ZCCHC7: variants seen among roughly 807,000 people sequenced by gnomAD.
ZCCHC7 encodes the protein zinc finger CCHC-type containing 7, also known as zinc finger CCHC domain-containing protein 7.
A neutral mutation model predicts 52.0 loss-of-function variants in ZCCHC7; 35 were observed. The observed-to-expected ratio is 0.67, with a 90% CI of 0.51 to 0.89. The LOEUF (loss-of-function observed/expected upper bound fraction) is 0.89. Ranked by LOEUF, ZCCHC7 falls within the 40% of genes least tolerant of loss-of-function variation. ZCCHC7 has a pLI of 0.00. For synonymous variants in ZCCHC7, 217 were observed against 221.5 expected (o/e 0.98, Z 0.18); for missense variants, 574 against 649.1 (o/e 0.88, Z 1.26).
At position 37,354,185 on chromosome 9, in the gene ZCCHC7, C is replaced by T. The variant is rs374032359; in HGVS notation, c.1084-525C>T. Among the ~76,000 whole-genome samples, 36 of 152,162 alleles carry T rather than the reference C, an allele frequency of 2.4e-4. No individual in the cohort carries two copies. The East Asian group carries it at 3.9e-3, about 16-fold the overall frequency. ...AACCTACCACCAACCTACCCCCCACCGTTAAGAATCACTACCCCTATAAGC... is the reference window on the plus strand; with the variant it reads ...AACCTACCACCAACCTACCCCCCACTGTTAAGAATCACTACCCCTATAAGC... On this transcript the variant is annotated intron_variant, in intron 7 of 8. Coordinates refer to ENST00000336755, the MANE Select transcript of ZCCHC7 (RefSeq NM_032226.3). The surrounding 1 kb of genome is among the most constrained non-coding windows in gnomAD (Gnocchi z 4.0).
intron 2 of ZCCHC7, among the ~76,000 whole-genome samples, chr9:37,216,425 A>T (rs1474867040): frequency 6.6e-6 from 1 of 152,226 alleles, no homozygotes; most frequent in African/African-American, 2.4e-5. Context: ...CTGTAATCCT[A>T]GCACTTTAGG....
At chr9:37,234,892 C>A (rs1210755948) in intron 2 of ZCCHC7, among the ~76,000 whole-genome samples, 1 of 152,116 alleles carries the variant, frequency 6.6e-6, no homozygotes, top group African/African-American at 2.4e-5. Flanking sequence ...CCTGCAGTGT[C>A]ATTTAATCTT....
At chr9:37,267,426 G>A (rs1055674281) in intron 2 of ZCCHC7, among the ~76,000 whole-genome samples, 2 of 151,982 alleles carry the variant, frequency 1.3e-5, no homozygotes, top group African/African-American at 4.8e-5. Context: ...GAAGAACAGG[G>A]CCTTGCTCTG....
At chr9:37,317,647 A>G (rs1829880301) in intron 5 of ZCCHC7, among the ~76,000 whole-genome samples, 1 of 152,224 alleles carries the variant, frequency 6.6e-6, no homozygotes, top group South Asian at 2.1e-4. Context: ...ATTTGTTTCA[A>G]TAATCAGAAG....
intron 2 of ZCCHC7, 104 bp from the exon 3 acceptor site, chr9:37,302,084 A>T: frequency 1.1e-6 from 1 of 895,416 alleles, no homozygotes; most frequent in South Asian, 1.5e-5. Flanking sequence ...TTCTCAGTGT[A>T]CCTTTGGGGT....
Position 37,173,921 on chromosome 9 carries a change from A to G in ZCCHC7, c.610+46979A>G, listed in dbSNP as rs375219634. On this transcript the variant is annotated intron_variant, in intron 2 of 8. Coordinates refer to ENST00000336755, the MANE Select transcript of ZCCHC7 (RefSeq NM_032226.3). ...ATTTGTGGAATTATACCTCGTTCATATACTCACTGTATTTCTTGTGAAAGC... is the reference window on the plus strand; with the variant it reads ...ATTTGTGGAATTATACCTCGTTCATGTACTCACTGTATTTCTTGTGAAAGC... 3.3e-3 allele frequency among the ~76,000 whole-genome samples: 499 copies of G among 152,320 alleles called. 2 individuals carry two copies. The highest frequency in any genetic ancestry group is 0.01 in the Middle Eastern group (3 of 294).
chr9:37,219,396 C>T (rs1000643220), intron 2 of ZCCHC7, among the ~76,000 whole-genome samples: 5 of 152,234 alleles, frequency 3.3e-5, no homozygotes, highest in African/African-American at 1.2e-4. Context: ...ACTAGGTACT[C>T]GCTCACTAAT....
intron 2 of ZCCHC7, among the ~76,000 whole-genome samples, chr9:37,200,599 A>G (rs894321042): frequency 1.3e-5 from 2 of 152,216 alleles, no homozygotes; most frequent in Non-Finnish European, 2.9e-5. Context: ...GAGTCCTGCA[A>G]TACTGGCTTT....
chr9:37,267,743 G>T (rs1254275399), intron 2 of ZCCHC7, among the ~76,000 whole-genome samples: 1 of 151,644 alleles, frequency 6.6e-6, no homozygotes, highest in Non-Finnish European at 1.5e-5. Context: ...CTAATTTTTT[G>T]TATTTTTAGT....
intron 2 of ZCCHC7, among the ~76,000 whole-genome samples, chr9:37,188,618 G>A (rs1021808963): frequency 1.4e-3 from 26 of 18,326 alleles, no homozygotes; most frequent in African/African-American, 5.0e-3. Flanking sequence ...CCCTTCCCCC[G>A]CCCCTCCCCC....
chr9:37,185,310 G>A (rs1029095998), intron 2 of ZCCHC7, among the ~76,000 whole-genome samples: 1 of 151,474 alleles, frequency 6.6e-6, no homozygotes, highest in Non-Finnish European at 1.5e-5. Flanking sequence ...ACTCATTTAG[G>A]CAGTCTTCCT....
chr9:37,326,507 A>G (rs1830247006), intron 5 of ZCCHC7, among the ~76,000 whole-genome samples: 1 of 137,144 alleles, frequency 7.3e-6, no homozygotes, highest in Non-Finnish European at 1.5e-5. Flanking sequence ...GGAGCAGTCT[A>G]CACAGCTTTC....
At position 37,357,107 on chromosome 9, in the gene ZCCHC7, C is replaced by T. The variant is rs1294203668; in HGVS notation, c.1471C>T (p.Pro491Ser). The T allele has an allele frequency of 7.4e-6, 12 of 1,613,546 alleles. No individual in the cohort carries two copies. The East Asian group carries it at 2.5e-4, about 33-fold the overall frequency. The part of the protein sequence containing the change: ...SSPGSFKTQK[P>S]SKPFHRSSHY... ...TCCTGGCAGTTTTAAAACCCAGAAG[C>T]CTTCTAAGCCCTTTCACCGTTCATC... The change falls in exon 9 of 9, where the codon CCT (proline) becomes TCT (serine). Residue 491 changes from proline to serine, a missense_variant. Physicochemically the swap from Pro to Ser is moderately conservative, Grantham distance 74 (BLOSUM62 -1). Coordinates refer to ENST00000336755, the MANE Select transcript of ZCCHC7 (RefSeq NM_032226.3).
chr9:37,354,797 GAA>G lies in ZCCHC7; in HGVS notation c.1174_1175del (p.Lys392GlufsTer29). ...TGACAAATATGAAATTCAGGAGAGA[GAA>G]AAGAGACTAAAACAAAAAATAAAAG... is the stretch of plus-strand genomic sequence containing the variant. The part of the protein sequence containing the change: ...YDDKYEIQER[E>X]KRLKQKIKVL... On this transcript the variant is annotated frameshift_variant, in exon 8 of 9. Coordinates refer to ENST00000336755, the MANE Select transcript of ZCCHC7 (RefSeq NM_032226.3). LOFTEE classifies it low-confidence loss of function (END_TRUNC). This position sits in a 1 kb window ranked among gnomAD's most constrained non-coding sequence, Gnocchi z 4.0. The G allele has an allele frequency of 6.2e-7, 1 of 1,611,566 alleles. No individual in the cohort carries two copies. The highest frequency in any genetic ancestry group is 1.1e-5 in the South Asian group (1 of 90,976).
chr9:37,225,058 A>G (rs1825024094), intron 2 of ZCCHC7, among the ~76,000 whole-genome samples: 1 of 152,240 alleles, frequency 6.6e-6, no homozygotes, highest in Admixed American at 6.5e-5. Context: ...TTATTGAATT[A>G]TTTTATTCCT....
chr9:37,198,313 T>A (rs535923678), intron 2 of ZCCHC7, among the ~76,000 whole-genome samples: 1 of 152,338 alleles, frequency 6.6e-6, no homozygotes, highest in East Asian at 1.9e-4. Flanking sequence ...CCCAGAATGT[T>A]ACAACCAGAG....
intron 2 of ZCCHC7, among the ~76,000 whole-genome samples, chr9:37,142,407 G>GT (rs1247809311): frequency 6.6e-6 from 1 of 151,636 alleles, no homozygotes; most frequent in African/African-American, 2.4e-5. Context: ...TTAATTACAG[G>GT]TTTTTTCTTG....
At chr9:37,172,280 T>G (rs920200316) in intron 2 of ZCCHC7, among the ~76,000 whole-genome samples, 1 of 152,258 alleles carries the variant, frequency 6.6e-6, no homozygotes, top group African/African-American at 2.4e-5. Flanking sequence ...CTTTTGTTAC[T>G]CTAAAATTAT....
intron 6 of ZCCHC7, 98 bp from the exon 7 acceptor site, chr9:37,349,259 C>G: frequency 8.2e-7 from 1 of 1,218,608 alleles, no homozygotes; most frequent in South Asian, 1.4e-5. Flanking sequence ...CTCTAAGAAA[C>G]TTCTAAGGAA....
Sources: gnomAD v4.1 joint callset for allele counts (sites outside exome capture counted in the v4.1 genomes callset) on GRCh38, gnomAD v4.1.1 for gene constraint, Gnocchi (gnomAD v3.1) non-coding constraint, MANE v1.5 for transcripts, NCBI Gene and HGNC (gene_info 2026-07-23, HGNC 2026-07-21) for gene names.